SLC8A2: variants seen among roughly 807,000 people sequenced by gnomAD.
The protein encoded by SLC8A2 is solute carrier family 8 member A2.
In SLC8A2, 14 loss-of-function variants were observed where a neutral mutation model predicts 70.2. The ratio of observed to expected loss-of-function variants is 0.20; its 90% CI spans 0.13 to 0.31. The LOEUF (loss-of-function observed/expected upper bound fraction) is 0.31, where lower values mean the gene tolerates loss of function less well. SLC8A2 is among the 10% of genes least tolerant of loss of function. SLC8A2 has a pLI of 1.00. For synonymous variants in SLC8A2, 575 were observed against 594.3 expected (o/e 0.97, Z 0.47); for missense variants, 779 against 1,320.1 (o/e 0.59, Z 6.35).
At chr19:47,437,602 C>T (rs745730651) in intron 7 of SLC8A2, 41 bp from the exon 8 acceptor site, 8 of 1,490,090 alleles carry the variant, frequency 5.4e-6, no homozygotes, top group Admixed American at 3.3e-5. Flanking sequence ...TGCCCCTGAG[C>T]GAACCAGGGA....
rs919103771 is a variant in SLC8A2, at chr19:47,447,242, C to T, written c.1763+567G>A. ...ATGTCCAAACCCAGACCCCACCTAT[C>T]GCCCTGGACCCGCCCCCTCTCCACA... On this transcript the variant is annotated intron_variant, in intron 4 of 9. Coordinates refer to ENST00000236877, the MANE Select transcript of SLC8A2 (RefSeq NM_015063.3). The surrounding 1 kb of genome is among the most constrained non-coding windows in gnomAD (Gnocchi z 5.1). 2.0e-5 allele frequency among the ~76,000 whole-genome samples: 3 copies of T among 152,046 alleles called. No homozygotes were observed. The highest frequency in any genetic ancestry group is 2.1e-4 in the South Asian group (1 of 4,806).
chr19:47,450,776 G>C (rs779587648), intron 3 of SLC8A2, among the ~76,000 whole-genome samples: 51 of 152,236 alleles, frequency 3.4e-4, no homozygotes, highest in African/African-American at 1.2e-3. Flanking sequence ...GGATTCTGCA[G>C]TCCTCTGAGC....
rs1568445698 is a variant in SLC8A2 at position 47,457,095 on chromosome 19, C to CCGTCGTCTTCGT, written c.1163_1174dup (p.Asp388_Asp391dup). The CCGTCGTCTTCGT allele has an allele frequency of 6.4e-7, 1 of 1,563,686 alleles. No homozygotes were observed. ...AGGCTCGAAGAAGATGCGGCTGGCG[C>CCGTCGTCTTCGT]CGTCGTCTTCGTCCTCGCCCGCGCC... On this transcript the variant is annotated inframe_insertion, in exon 3 of 10. Coordinates refer to ENST00000236877, the MANE Select transcript of SLC8A2 (RefSeq NM_015063.3).
In SLC8A2 at chr19:47,432,702, C is replaced by T. The variant is rs1399950986; in HGVS notation, c.2111-257G>A. ...CCTTTGGATCTAAATATGGCTAAGT[C>T]AGCAGTAAAAACAGTTACTTCCATA... On this transcript the variant is annotated intron_variant, in intron 8 of 9. Coordinates refer to ENST00000236877, the MANE Select transcript of SLC8A2 (RefSeq NM_015063.3). This position sits in a 1 kb window ranked among gnomAD's most constrained non-coding sequence, Gnocchi z 6.2. 9.4e-6 allele frequency: 4 copies of T among 426,956 alleles called. No homozygotes were observed. Among genetic ancestry groups the T allele is most frequent in the Non-Finnish European group, 1.7e-5 (4 of 242,230 alleles). The allele number at this position is 426,956 out of a possible 1,614,324, so 26.4% of individuals were successfully genotyped here.
In SLC8A2 at chr19:47,448,188, G is replaced by A; in HGVS notation, c.1384C>T (p.Leu462=). 1 of 1,610,076 alleles carries A rather than the reference G, an allele frequency of 6.2e-7. No individual in the cohort carries two copies. Among genetic ancestry groups the A allele is most frequent in the Non-Finnish European group, 8.5e-7 (1 of 1,177,876 alleles). Residue 462 remains leucine, a synonymous_variant, in exon 4 of 10, where the codon CTG becomes TTG. Coordinates refer to ENST00000236877, the MANE Select transcript of SLC8A2 (RefSeq NM_015063.3). The surrounding 1 kb of genome is among the most constrained non-coding windows in gnomAD (Gnocchi z 4.8). ...VFKPGETQKE[L]RIGIIDDDIF... Reference sequence around the variant, plus strand: ...TCGTCGTCGATGATGCCGATGCGCAGCTCCTTCTGCGTCTCGCCTGGTTTG... The same window carrying A: ...TCGTCGTCGATGATGCCGATGCGCAACTCCTTCTGCGTCTCGCCTGGTTTG...
rs373124173 is a variant in SLC8A2 at position 47,465,948 on chromosome 19, G to A, written c.456C>T (p.Gly152=). The part of the protein sequence containing the change: ...EILLSVIEVC[G]HNFQAGELGP... ...CCAGCTCACCCGCCTGGAAGTTGTG[G>A]CCGCAGACTTCGATGACTGACAGCA... The change falls in exon 2 of 10, where the codon GGC becomes GGT. Residue 152 remains glycine, a synonymous_variant. Transcript: ENST00000236877. The surrounding 1 kb of genome is among the most constrained non-coding windows in gnomAD (Gnocchi z 5.5). 6.8e-6 allele frequency: 11 copies of A among 1,614,120 alleles called. No homozygotes were observed. The highest frequency in any genetic ancestry group is 9.3e-6 in the Non-Finnish European group (11 of 1,180,030).
intron 3 of SLC8A2, 64 bp downstream of exon 3, chr19:47,456,866 G>A (rs1158162235): frequency 4.1e-6 from 6 of 1,472,802 alleles, no homozygotes; most frequent in South Asian, 1.4e-5. Context: ...CCTGGAGGCC[G>A]CCGGACGGCG....
intron 6 of SLC8A2, among the ~76,000 whole-genome samples, chr19:47,438,197 C>G (rs1439902019): frequency 6.6e-6 from 1 of 152,056 alleles, no homozygotes; most frequent in Admixed American, 6.6e-5. Flanking sequence ...CTCTGGGGTT[C>G]GTATGGTGGA....
chr19:47,471,134 GGA>G (rs146864248), intron 1 of SLC8A2, among the ~76,000 whole-genome samples: 119 of 145,688 alleles, frequency 8.2e-4, no homozygotes, highest in Middle Eastern at 3.6e-3. Flanking sequence ...GGGGAGGGAG[GGA>G]GAGAGAGAGA....
intron 8 of SLC8A2, among the ~76,000 whole-genome samples, chr19:47,436,059 C>G (rs1350720302): frequency 6.6e-6 from 1 of 152,208 alleles, no homozygotes; most frequent in Non-Finnish European, 1.5e-5. Context: ...TCCCGCCCAA[C>G]ACCAGGCACC....
chr19:47,438,274 A>C (rs762956596), intron 6 of SLC8A2, among the ~76,000 whole-genome samples: 2 of 152,228 alleles, frequency 1.3e-5, no homozygotes, highest in Non-Finnish European at 2.9e-5. Context: ...TTAAACGGGC[A>C]CAATAATTAG....
rs748638430 is a variant in SLC8A2 at position 47,448,077 on chromosome 19, C to T, written c.1495G>A (p.Gly499Ser). Residue 499 changes from glycine to serine, a missense_variant, in exon 4 of 10, where the codon GGC becomes AGC. This residue lies in a region of SLC8A2 where 247 missense variants were observed against 362.8 expected (regional missense o/e 0.68). Coordinates refer to ENST00000236877, the MANE Select transcript of SLC8A2 (RefSeq NM_015063.3). The surrounding 1 kb of genome is among the most constrained non-coding windows in gnomAD (Gnocchi z 4.8). ...ACCAGCCGCCCCTTGGGCCGCCCGC[C>T]GCCGTCCGGCTCGAACATGCCCTGC... ...DAQGMFEPDG[G>S]GRPKGRLVAP... is the part of the protein sequence containing the mutation. 275 of 1,595,592 alleles carry T rather than the reference C, an allele frequency of 1.7e-4. No homozygotes were observed. In the East Asian group the frequency reaches 2.1e-3, roughly 12 times the overall value.
chr19:47,437,060 C>T (rs1967038484), intron 8 of SLC8A2, among the ~76,000 whole-genome samples: 1 of 152,152 alleles, frequency 6.6e-6, no homozygotes, highest in African/African-American at 2.4e-5. Context: ...CCACCTCTCC[C>T]TTCTCTGCCC....
At chr19:47,459,533 T>C (rs1017185287) in intron 2 of SLC8A2, among the ~76,000 whole-genome samples, 8 of 145,496 alleles carry the variant, frequency 5.5e-5, no homozygotes, top group African/African-American at 2.0e-4. Flanking sequence ...TGCGTGCGCG[T>C]GTGTGCGCAT....
chr19:47,466,343 C>T lies in SLC8A2; in HGVS notation c.61G>A (p.Ala21Thr), dbSNP rs1367283519. ...GGCAGGGAGGGGGTTGGGGTGGCTGCCCCGGAGCATGGGGGAGCCGCCAGG... is the reference window on the plus strand; with the variant it reads ...GGCAGGGAGGGGGTTGGGGTGGCTGTCCCGGAGCATGGGGGAGCCGCCAGG... ...LLLAAPPCSG[A>T]ATPTPSLPPP... The change falls in exon 2 of 10, where the codon GCA becomes ACA. Residue 21 changes from alanine to threonine, a missense_variant. This residue lies in a region of SLC8A2 where 65 missense variants were observed against 61.3 expected (regional missense o/e 1.06). Coordinates refer to ENST00000236877, the MANE Select transcript of SLC8A2 (RefSeq NM_015063.3). This position sits in a 1 kb window ranked among gnomAD's most constrained non-coding sequence, Gnocchi z 6.9. 1.4e-5 allele frequency: 21 copies of T among 1,458,292 alleles called. No homozygotes were observed. Among genetic ancestry groups the T allele is most frequent in the Non-Finnish European group, 1.8e-5 (20 of 1,104,802 alleles). The allele number at this position is 1,458,292 out of a possible 1,614,324, so 90.3% of individuals were successfully genotyped here.
At chr19:47,449,599 C>T (rs1329265892) in intron 3 of SLC8A2, among the ~76,000 whole-genome samples, 2 of 152,180 alleles carry the variant, frequency 1.3e-5, no homozygotes, top group Non-Finnish European at 2.9e-5. Context: ...GCTGGGATTA[C>T]AGGCGTGAGC....
intron 9 of SLC8A2, among the ~76,000 whole-genome samples, chr19:47,431,569 A>G (rs896393974): frequency 1.3e-5 from 2 of 150,070 alleles, no homozygotes; most frequent in Non-Finnish European, 1.5e-5. Flanking sequence ...GAATCGCTTG[A>G]ACCTGGGAGG....
intron 3 of SLC8A2, among the ~76,000 whole-genome samples, chr19:47,453,325 G>T (rs919036897): frequency 1.3e-5 from 2 of 152,224 alleles, no homozygotes; most frequent in Admixed American, 1.3e-4. Flanking sequence ...AGCTTCCTCA[G>T]ATATGGTGGT....
chr19:47,467,759 G>A (rs896640914), intron 1 of SLC8A2, among the ~76,000 whole-genome samples: 18 of 151,444 alleles, frequency 1.2e-4, no homozygotes, highest in African/African-American at 4.4e-4. Context: ...TTGAGGCTGA[G>A]GCGGGTGGAT....
Sources: allele counts gnomAD v4.1 joint callset (sites outside exome capture counted in the v4.1 genomes callset), GRCh38; gene constraint gnomAD v4.1.1; regional missense constraint gnomAD v4.1.1; non-coding constraint Gnocchi (gnomAD v3.1); transcripts MANE v1.5; gene names NCBI Gene and HGNC (gene_info 2026-07-23, HGNC 2026-07-21).